FBXO27: variants seen among roughly 807,000 people sequenced by gnomAD.
FBXO27 encodes F-box protein 27, also known as F-box only protein 27.
In FBXO27, 28 loss-of-function variants were observed where a neutral mutation model predicts 28.3. The observed-to-expected ratio is 0.99, with a 90% CI of 0.73 to 1.36. The LOEUF (loss-of-function observed/expected upper bound fraction) is 1.36, where lower values mean the gene tolerates loss of function less well. Ranked by LOEUF, FBXO27 falls within the 40% of genes most tolerant of loss-of-function variation. FBXO27 has a pLI of 0.00. For synonymous variants in FBXO27, 175 were observed against 167.3 expected (o/e 1.05, Z -0.36); for missense variants, 388 against 394.1 (o/e 0.98, Z 0.13).
downstream of FBXO27, among the ~76,000 whole-genome samples, chr19:39,023,253 C>T (rs1168232663): frequency 6.6e-6 from 1 of 152,192 alleles, no homozygotes; most frequent in Non-Finnish European, 1.5e-5. Flanking sequence ...TATTTCCAAT[C>T]TACAGTTGGT....
At position 39,031,894 on chromosome 19, in the gene FBXO27, G is replaced by T; in HGVS notation, c.334C>A (p.Arg112Ser). 3.3e-6 allele frequency: 5 copies of T among 1,498,874 alleles called. No homozygotes were observed. The highest frequency in any genetic ancestry group is 1.3e-5 in the South Asian group (1 of 75,804). 92.8% of individuals were successfully genotyped at this position (1,498,874 alleles called of 1,614,324 possible). The change falls in exon 2 of 6, where the codon CGC becomes AGC. Residue 112 changes from arginine to serine, a missense_variant. Physicochemically the swap from Arg to Ser is moderately radical, Grantham distance 110 (BLOSUM62 -1). Coordinates refer to ENST00000292853, the MANE Select transcript of FBXO27 (RefSeq NM_178820.5). ...GRFCARRPIG[R>S]NLIRNPCGQE... is the part of the protein sequence containing the mutation. ...CCGCAGGGGTTGCGAATAAGGTTGC[G>T]TCCGATGGGTCTGCGCGCGCAGAAG...
chr19:39,008,360 C>T (rs578114187), intron 2 of FBXO27, among the ~76,000 whole-genome samples: 1 of 152,196 alleles, frequency 6.6e-6, no homozygotes, highest in African/African-American at 2.4e-5. Flanking sequence ...TCAAGCGATC[C>T]TTCTGCCTCA....
downstream of FBXO27, among the ~76,000 whole-genome samples, chr19:39,023,124 A>G (rs1286979777): frequency 6.6e-6 from 1 of 152,074 alleles, no homozygotes; most frequent in Non-Finnish European, 1.5e-5. Flanking sequence ...TTTTTAGTAG[A>G]GACGGGGTTT....
rs779284829 is a variant in FBXO27 at position 39,031,120 on chromosome 19, A to G, written c.481T>C (p.Cys161Arg). 1.9e-5 allele frequency: 31 copies of G among 1,613,688 alleles called. No homozygotes were observed. In the East Asian group the frequency reaches 3.3e-4, roughly 17 times the overall value. The change falls in exon 4 of 6, where the codon TGT becomes CGT. Residue 161 changes from cysteine to arginine, a missense_variant. Coordinates refer to ENST00000292853, the MANE Select transcript of FBXO27 (RefSeq NM_178820.5). ...QTCFVTSFSW[C>R]CKKQVLDLEE... Reference sequence around the variant, plus strand: ...AGGTCCAAGACCTGCTTCTTGCAACACCAGCTGGGAATGCAGGAGACAGGG... The same window carrying G: ...AGGTCCAAGACCTGCTTCTTGCAACGCCAGCTGGGAATGCAGGAGACAGGG...
chr19:39,023,362 G>T (rs934855467), downstream of FBXO27, among the ~76,000 whole-genome samples: 1 of 152,130 alleles, frequency 6.6e-6, no homozygotes, highest in Non-Finnish European at 1.5e-5. Context: ...CTTTGAGCTG[G>T]CCGGCAATAG....
Position 39,026,872 on chromosome 19 carries a change from G to C in FBXO27, c.706C>G (p.His236Asp), listed in dbSNP as rs1411872866. Residue 236 changes from histidine to aspartate, a missense_variant and splice_region_variant, in exon 5 of 6, where the codon CAC becomes GAC. Coordinates refer to ENST00000292853, the MANE Select transcript of FBXO27 (RefSeq NM_178820.5). ...CCAAACCCCCATAGGAGACTCACGT[G>C]AAGGCAGGCATTGTTGTTCCACTGC... ...IPQWNNNACLHVTHVFSNIKM... is the reference protein window; with the variant it reads ...IPQWNNNACLDVTHVFSNIKM... The C allele has an allele frequency of 6.2e-7, 1 of 1,614,188 alleles. No homozygotes were observed. Among genetic ancestry groups the C allele is most frequent in the South Asian group, 1.1e-5 (1 of 91,082 alleles).
Position 39,032,522 on chromosome 19 carries a change from C to T in FBXO27, c.-46G>A. ...TCCTACCCCGGGGCCTGGCGGCGCT[C>T]CTCGCCGGGATGCCCTAGCTGTGCC... On this transcript the variant is annotated 5_prime_UTR_variant, in exon 1 of 6. Coordinates refer to ENST00000292853, the MANE Select transcript of FBXO27 (RefSeq NM_178820.5). This position sits in a 1 kb window ranked among gnomAD's most constrained non-coding sequence, Gnocchi z 4.7. 2 of 360,834 alleles carry T rather than the reference C, an allele frequency of 5.5e-6. No individual in the cohort carries two copies. The highest frequency in any genetic ancestry group is 5.1e-5 in the Admixed American group (1 of 19,688). 22.4% of individuals were successfully genotyped at this position (360,834 alleles called of 1,614,324 possible).
At chr19:39,007,114 G>A (rs1223629607) in intron 2 of FBXO27, among the ~76,000 whole-genome samples, 3 of 151,132 alleles carry the variant, frequency 2.0e-5, no homozygotes, top group African/African-American at 4.9e-5. Flanking sequence ...CACACGTGGT[G>A]CCCCCTGGAG....
Position 39,031,250 on chromosome 19 carries a change from C to T in FBXO27, c.435G>A (p.Val145=), listed in dbSNP as rs768351019. 1 of 1,614,038 alleles carries T rather than the reference C, an allele frequency of 6.2e-7. No homozygotes were observed. Among genetic ancestry groups the T allele is most frequent in the African/African-American group, 1.3e-5 (1 of 74,920 alleles). ...GWVVEENRTT[V]PGAPSQTCFV... ...AGCACGTCTGAGAAGGGGCCCCAGGCACGGTTGTCCTGTTTTCCTCCACCA... is the reference window on the plus strand; with the variant it reads ...AGCACGTCTGAGAAGGGGCCCCAGGTACGGTTGTCCTGTTTTCCTCCACCA... Residue 145 remains valine, a synonymous_variant, in exon 3 of 6, where the codon GTG becomes GTA. Transcript: ENST00000292853.
chr19:39,022,832 T>C (rs2072852007), downstream of FBXO27, among the ~76,000 whole-genome samples: 1 of 151,062 alleles, frequency 6.6e-6, no homozygotes, highest in Non-Finnish European at 1.5e-5. Flanking sequence ...AGTTTTGCTC[T>C]TGTTGCCCTG....
chr19:39,009,793 G>GT (rs891106013), intron 2 of FBXO27, among the ~76,000 whole-genome samples: 246 of 151,022 alleles, frequency 1.6e-3, no homozygotes, highest in African/African-American at 5.7e-3. Context: ...AAGTTGTGGG[G>GT]TTTTTTTTTT....
In FBXO27 at chr19:39,025,087, T is replaced by G; in HGVS notation, c.*324A>C. 7.6e-6 allele frequency: 2 copies of G among 264,356 alleles called. No homozygotes were observed. The highest frequency in any genetic ancestry group is 7.4e-5 in the East Asian group (1 of 13,494). The allele number at this position is 264,356 out of a possible 1,614,324, so 16.4% of individuals were successfully genotyped here. On this transcript the variant is annotated 3_prime_UTR_variant, in exon 6 of 6. Transcript: ENST00000292853. ...GGGGCCTGGGGCTGGATCGGAGGGT[T>G]TTGGTTGGGAGGAGAAGAGAGGGGA...
chr19:39,032,187 G>A lies in FBXO27; in HGVS notation c.41C>T (p.Pro14Leu), dbSNP rs1474873203. 5.4e-6 allele frequency: 8 copies of A among 1,493,926 alleles called. No homozygotes were observed. In the South Asian group the frequency reaches 9.1e-5, roughly 17 times the overall value. 92.5% of individuals were successfully genotyped at this position (1,493,926 alleles called of 1,614,324 possible). ...SVSRGRAARV[P>L]APEPEPEEAL... is the part of the protein sequence containing the mutation. ...CTCTTCGGGTTCCGGCTCCGGCGCG[G>A]GGACCCGGGCGGCCCGGCCCCTGGA... is the stretch of plus-strand genomic sequence containing the variant. Residue 14 changes from proline to leucine, a missense_variant, in exon 2 of 6, where the codon CCC becomes CTC. Pro to Leu is a moderately conservative substitution (Grantham distance 98). Transcript: ENST00000292853. This position sits in a 1 kb window ranked among gnomAD's most constrained non-coding sequence, Gnocchi z 4.7.
At position 39,032,152 on chromosome 19, in the gene FBXO27, G is replaced by C. The variant is rs568874703; in HGVS notation, c.76C>G (p.Leu26Val). The C allele has an allele frequency of 1.5e-3, 2,341 of 1,540,302 alleles. 4 individuals are homozygous for C. Among genetic ancestry groups the C allele is most frequent in the South Asian group, 3.0e-3 (247 of 82,706 alleles). The part of the protein sequence containing the change: ...PEPEPEEALD[L>V]SQLPPELLLV... The stretch of plus-strand genomic sequence containing the variant: ...AGCAGCTCTGGGGGTAGTTGGCTCA[G>C]GTCCAGCGCCTCTTCGGGTTCCGGC... Residue 26 changes from leucine to valine, a missense_variant, in exon 2 of 6, where the codon CTG becomes GTG. Physicochemically the swap from Leu to Val is conservative, Grantham distance 32 (BLOSUM62 1). Coordinates refer to ENST00000292853, the MANE Select transcript of FBXO27 (RefSeq NM_178820.5). This position sits in a 1 kb window ranked among gnomAD's most constrained non-coding sequence, Gnocchi z 4.7.
chr19:39,022,698 C>T (rs548661927), downstream of FBXO27, among the ~76,000 whole-genome samples: 1 of 152,284 alleles, frequency 6.6e-6, no homozygotes, highest in Admixed American at 6.5e-5. Context: ...ATCACTGCAA[C>T]CTCTGCCTCC....
intron 5 of FBXO27, among the ~76,000 whole-genome samples, chr19:39,026,475 T>A (rs370634083): frequency 6.6e-6 from 1 of 152,042 alleles, no homozygotes; most frequent in African/African-American, 2.4e-5. Flanking sequence ...GTCAAATGAC[T>A]GTCATTGATT....
In FBXO27 at chr19:39,025,079, C is replaced by T. The variant is rs1017039724; in HGVS notation, c.*332G>A. On this transcript the variant is annotated 3_prime_UTR_variant, in exon 6 of 6. Coordinates refer to ENST00000292853, the MANE Select transcript of FBXO27 (RefSeq NM_178820.5). ...GGTACAGAGGGGCCTGGGGCTGGAT[C>T]GGAGGGTTTTGGTTGGGAGGAGAAG... 1.5e-5 allele frequency: 4 copies of T among 258,500 alleles called. No individual in the cohort carries two copies. The highest frequency in any genetic ancestry group is 7.8e-5 in the East Asian group (1 of 12,776). The allele number at this position is 258,500 out of a possible 1,614,324, so 16.0% of individuals were successfully genotyped here. A position where few individuals can be genotyped will look rare whatever the true frequency, so the allele number is the denominator to read the frequency against.
At chr19:39,010,417 C>A (rs560109574) in intron 2 of FBXO27, among the ~76,000 whole-genome samples, 1 of 152,080 alleles carries the variant, frequency 6.6e-6, no homozygotes, top group African/African-American at 2.4e-5. Flanking sequence ...AATTGATCAT[C>A]GAGGTATGAG....
At chr19:39,013,487 A>G (rs1449898350) in intron 2 of FBXO27, among the ~76,000 whole-genome samples, 1 of 151,656 alleles carries the variant, frequency 6.6e-6, no homozygotes, top group Admixed American at 6.6e-5. Context: ...AAAATTAGCC[A>G]GGCATGGTGG....
Sources: allele counts gnomAD v4.1 joint callset (sites outside exome capture counted in the v4.1 genomes callset), GRCh38; gene constraint gnomAD v4.1.1; non-coding constraint Gnocchi (gnomAD v3.1); transcripts MANE v1.5; gene names NCBI Gene and HGNC (gene_info 2026-07-23, HGNC 2026-07-21).